The following GRM7 variants were observed in gnomAD, a reference collection of about 807,000 sequenced individuals.
GRM7 encodes the protein metabotropic glutamate receptor 7.
GRM7 carries 35 observed loss-of-function variants against 84.5 expected under a neutral mutation model. The observed-to-expected ratio is 0.41, with a 90% confidence interval of 0.32 to 0.55. The LOEUF is 0.55. Ranked by LOEUF, GRM7 falls within the 20% of genes least tolerant of loss-of-function variation. GRM7 has a pLI of 0.19. For synonymous variants in GRM7, 487 were observed against 455.1 expected, an observed-to-expected ratio of 1.07 and a Z score of -0.89; for missense variants, 1,003 against 1,194.6, an observed-to-expected ratio of 0.84 and a Z score of 2.36.
intron 1 of GRM7, among the ~76,000 whole-genome samples, chr3:7,068,301 A>G (rs1026330072): frequency 2.6e-5 from 4 of 152,036 alleles, no homozygotes; most frequent in African/African-American, 9.7e-5. Context: ...CTATGATGTG[A>G]ATTAACTCAC....
rs151007000 is a variant in GRM7, at chr3:7,467,670, A to G, written c.1515+5948A>G. Among the ~76,000 whole-genome samples, 961 of 152,270 alleles carry G rather than the reference A, an allele frequency of 6.3e-3. 44 individuals carry two copies. The highest frequency in any genetic ancestry group is 0.059 in the Admixed American group (895 of 15,290). On this transcript the variant is annotated intron_variant, in intron 7 of 9. Transcript: ENST00000357716. ...TGAAAAGAAAAACTAGATCTAGGTC[A>G]TATTGTTTGTGCCCTAGGAAATCCT...
rs1700249676 is a variant in GRM7, at chr3:7,307,919, TGGGAA to T, written c.1033+1268_1033+1272del. Among the ~76,000 whole-genome samples, 4 of 148,918 alleles carry T rather than the reference TGGGAA, an allele frequency of 2.7e-5. No homozygotes were observed. In the Admixed American group the frequency reaches 2.7e-4, roughly 10 times the overall value. ...GGTGTCAGAACAGGCAGAGACTACA[TGGGAA>T]ACATTGTAAGTACAGTATGGAGGGC... On this transcript the variant is annotated intron_variant, in intron 4 of 9. Transcript: ENST00000357716.
In GRM7 at chr3:6,899,591, G is replaced by A. The variant is rs568393472; in HGVS notation, c.519+37684G>A. Among the ~76,000 whole-genome samples, 252 of 152,254 alleles carry A rather than the reference G, an allele frequency of 1.7e-3. 1 individual carries two copies. Among genetic ancestry groups the A allele is most frequent in the African/African-American group, 5.8e-3 (243 of 41,546 alleles). ...TGTTAAGACAACAAAATGGGAAGTC[G>A]TAAAAGGTCAAGTTACTCATAGGCC... is the stretch of plus-strand genomic sequence containing the variant. On this transcript the variant is annotated intron_variant, in intron 1 of 9. Coordinates refer to ENST00000357716, the MANE Select transcript of GRM7 (RefSeq NM_000844.4).
intron 9 of GRM7, among the ~76,000 whole-genome samples, chr3:7,717,485 A>G (rs1242371421): frequency 6.6e-6 from 1 of 152,160 alleles, no homozygotes; most frequent in East Asian, 1.9e-4. Flanking sequence ...CAAATACATC[A>G]TCTCTGTGAG....
chr3:7,056,687 C>CAA (rs535972847), intron 1 of GRM7, among the ~76,000 whole-genome samples: 1 of 151,256 alleles, frequency 6.6e-6, no homozygotes, highest in African/African-American at 2.4e-5. Context: ...ATGAGGTCTC[C>CAA]AAAAAAAACT....
chr3:7,623,796 A>T (rs1351646753), intron 8 of GRM7, among the ~76,000 whole-genome samples: 1 of 152,192 alleles, frequency 6.6e-6, no homozygotes, highest in Non-Finnish European at 1.5e-5. Flanking sequence ...ATAAAATAAC[A>T]TACATAATCC....
At chr3:7,726,610 C>CCT (rs1353118618) in intron 9 of GRM7, among the ~76,000 whole-genome samples, 15 of 30,500 alleles carry the variant, frequency 4.9e-4, no homozygotes, top group South Asian at 1.2e-3. Context: ...TCTCTCTCTC[C>CCT]CTCTATATAT....
At chr3:7,639,122 T>G (rs1490731591) in intron 8 of GRM7, among the ~76,000 whole-genome samples, 1 of 152,144 alleles carries the variant, frequency 6.6e-6, no homozygotes, top group African/African-American at 2.4e-5. Flanking sequence ...TCGAAGACAA[T>G]CCTACATGGT....
chr3:7,077,664 A>G (rs1698141102), intron 1 of GRM7, among the ~76,000 whole-genome samples: 1 of 152,124 alleles, frequency 6.6e-6, no homozygotes. Flanking sequence ...TGGCACGTGT[A>G]TACCTATGTA....
intron 2 of GRM7, among the ~76,000 whole-genome samples, chr3:7,295,073 T>G (rs996985480): frequency 6.6e-6 from 1 of 152,238 alleles, no homozygotes; most frequent in Admixed American, 6.5e-5. Context: ...ATTCAAAAAC[T>G]CATTGCCAAA....
At chr3:6,884,154 T>C (rs1196823921) in intron 1 of GRM7, 1 of 152,618 alleles carries the variant, frequency 6.6e-6, no homozygotes, top group East Asian at 1.9e-4. Flanking sequence ...CACTCACATT[T>C]AGAAAAAATG....
chr3:7,302,195 ATCT>A (rs1204029923), intron 3 of GRM7, among the ~76,000 whole-genome samples: 1 of 152,130 alleles, frequency 6.6e-6, no homozygotes, highest in Non-Finnish European at 1.5e-5. Context: ...ATTTTAAATA[ATCT>A]TCTATAAAAC....
At chr3:7,165,013 A>G (rs1694753471) in intron 2 of GRM7, among the ~76,000 whole-genome samples, 1 of 152,240 alleles carries the variant, frequency 6.6e-6, no homozygotes, top group Non-Finnish European at 1.5e-5. Context: ...GCCCAGAAGC[A>G]CTGTACATTT....
chr3:7,264,626 T>C (rs1287802305), intron 2 of GRM7, among the ~76,000 whole-genome samples: 1 of 152,210 alleles, frequency 6.6e-6, no homozygotes, highest in Admixed American at 6.5e-5. Flanking sequence ...GTCTTCCCTC[T>C]GAATATCTGC....
chr3:7,478,726 C>G (rs968242804), intron 7 of GRM7, among the ~76,000 whole-genome samples: 48 of 151,322 alleles, frequency 3.2e-4, no homozygotes, highest in African/African-American at 1.1e-3. Context: ...ATGAGTAGTC[C>G]TAGCTATCAA....
At chr3:7,397,737 T>C (rs1390209948) in intron 4 of GRM7, among the ~76,000 whole-genome samples, 1 of 152,122 alleles carries the variant, frequency 6.6e-6, no homozygotes, top group Non-Finnish European at 1.5e-5. Flanking sequence ...TTGTTCTCAC[T>C]TAAGGGAGAT....
chr3:7,248,981 T>C (rs967381730), intron 2 of GRM7, among the ~76,000 whole-genome samples: 8 of 152,058 alleles, frequency 5.3e-5, no homozygotes, highest in African/African-American at 1.9e-4. Flanking sequence ...AGAAAATAAA[T>C]ATAGATCAGT....
intron 9 of GRM7, among the ~76,000 whole-genome samples, chr3:7,734,752 AT>A (rs1358648971): frequency 2.6e-5 from 4 of 152,202 alleles, no homozygotes; most frequent in Non-Finnish European, 5.9e-5. Flanking sequence ...ATAATTGGGA[AT>A]GTCTCCATTT....
At chr3:7,688,782 C>T (rs941365555) in intron 9 of GRM7, among the ~76,000 whole-genome samples, 3 of 152,146 alleles carry the variant, frequency 2.0e-5, no homozygotes, top group Non-Finnish European at 2.9e-5. Flanking sequence ...GCATCATGTT[C>T]CAACAAAGCC....
Sources: gnomAD v4.1 joint callset for allele counts (sites outside exome capture counted in the v4.1 genomes callset) on GRCh38, gnomAD v4.1.1 for gene constraint, MANE v1.5 for transcripts, NCBI Gene and HGNC (gene_info 2026-07-23, HGNC 2026-07-21) for gene names.